Variants in PHLDB3 observed in about 807,000 individuals in gnomAD.
PHLDB3 encodes the protein pleckstrin homology like domain family B member 3.
PHLDB3 carries 86 observed loss-of-function variants against 85.7 expected under a neutral mutation model. That is an observed-to-expected ratio of 1.00 (90% CI 0.84 to 1.20). The LOEUF (loss-of-function observed/expected upper bound fraction) is 1.20. PHLDB3 is among the 50% of genes most tolerant of loss of function. The pLI is 0.00. For missense variants in PHLDB3, 995 were observed against 873.0 expected, an observed-to-expected ratio of 1.14 and a Z score of -1.76; for synonymous variants, 376 against 349.8, an observed-to-expected ratio of 1.07 and a Z score of -0.83.
At chr19:43,476,062 T>G (rs1970921293) in intron 15 of PHLDB3, among the ~76,000 whole-genome samples, 1 of 152,238 alleles carries the variant, frequency 6.6e-6, no homozygotes, top group Non-Finnish European at 1.5e-5. Context: ...CCCAGAGTGC[T>G]GGGCTTACAG....
chr19:43,497,015 G>A, intron 6 of PHLDB3, 103 bp downstream of exon 6: 1 of 1,308,222 alleles, frequency 7.6e-7, no homozygotes, highest in Non-Finnish European at 9.7e-7. Flanking sequence ...CTATTCAGAA[G>A]AACATGACAG....
At chr19:43,488,801 C>T (rs1466598927) in intron 9 of PHLDB3, among the ~76,000 whole-genome samples, 1 of 151,274 alleles carries the variant, frequency 6.6e-6, no homozygotes, top group Non-Finnish European at 1.5e-5. Context: ...ACTCCATAGA[C>T]CATTTTTTTT....
chr19:43,492,446 C>T (rs1165222529), intron 9 of PHLDB3, among the ~76,000 whole-genome samples: 1 of 151,840 alleles, frequency 6.6e-6, no homozygotes, highest in Non-Finnish European at 1.5e-5. Flanking sequence ...AACTCCTGAC[C>T]TCAGGTGATC....
intron 9 of PHLDB3, among the ~76,000 whole-genome samples, chr19:43,494,086 A>G (rs959535948): frequency 2.6e-5 from 4 of 152,124 alleles, no homozygotes; most frequent in Non-Finnish European, 5.9e-5. Flanking sequence ...AGGCTGGAGT[A>G]CAGTGGCATA....
intron 1 of PHLDB3, 158 bp from the exon 2 acceptor site, chr19:43,504,290 T>A (rs1395547623): frequency 1.4e-6 from 1 of 705,884 alleles, no homozygotes. Context: ...TCCTGAAGTT[T>A]CCAGAGGCGG....
chr19:43,487,078 C>A lies in PHLDB3; in HGVS notation c.1195G>T (p.Gly399Trp), dbSNP rs569511306. 3 of 1,578,692 alleles carry A rather than the reference C, an allele frequency of 1.9e-6. No individual in the cohort carries two copies. The South Asian group carries it at 3.5e-5, about 18-fold the overall frequency. ...QRTGSLPRKR[G>W]ERGSQRGSPR... ...GATCCTCTCTGGCTCCCCCTCTCCC[C>A]CCTTTTCCGGGGCAGGCTCCCAGTC... The change falls in exon 10 of 16, where the codon GGG becomes TGG. Residue 399 changes from glycine (G) to tryptophan (W), a missense_variant. Coordinates refer to ENST00000292140, the MANE Select transcript of PHLDB3 (RefSeq NM_198850.4).
intron 4 of PHLDB3, 93 bp from the exon 5 acceptor site, chr19:43,497,969 G>A (rs1971504460): frequency 2.0e-6 from 3 of 1,484,808 alleles, no homozygotes; most frequent in African/African-American, 1.4e-5. Context: ...GGTGTCGGCT[G>A]TACAAAGGCA....
intron 1 of PHLDB3, 188 bp downstream of exon 1, chr19:43,504,401 T>G: frequency 1.9e-6 from 1 of 531,638 alleles, no homozygotes; most frequent in East Asian, 3.3e-5. Context: ...CCGCCTCCCC[T>G]CCCTCATCTC....
At chr19:43,484,694 A>G (rs1337865498) in intron 13 of PHLDB3, among the ~76,000 whole-genome samples, 1 of 152,206 alleles carries the variant, frequency 6.6e-6, no homozygotes, top group South Asian at 2.1e-4. Context: ...CCTGGGCGAC[A>G]AGAGTAAAAC....
intron 4 of PHLDB3, among the ~76,000 whole-genome samples, chr19:43,500,430 T>C (rs1405036150): frequency 6.6e-6 from 1 of 152,068 alleles, no homozygotes; most frequent in Non-Finnish European, 1.5e-5. Context: ...GCTCTGCCTA[T>C]AGGACAGAAG....
chr19:43,490,865 G>A (rs1037830317), intron 9 of PHLDB3, among the ~76,000 whole-genome samples: 4 of 152,194 alleles, frequency 2.6e-5, no homozygotes, highest in Non-Finnish European at 2.9e-5. Context: ...GGTGCATGAC[G>A]TAGGCAAGTC....
chr19:43,488,753 A>T (rs945790407), intron 9 of PHLDB3, among the ~76,000 whole-genome samples: 5 of 152,052 alleles, frequency 3.3e-5, no homozygotes, highest in African/African-American at 9.7e-5. Context: ...CTAAATGCCC[A>T]TCAGAAGGGG....
chr19:43,489,056 T>C (rs1417533376), intron 9 of PHLDB3, among the ~76,000 whole-genome samples: 4 of 152,090 alleles, frequency 2.6e-5, no homozygotes, highest in Admixed American at 6.6e-5. Context: ...TGCCTCGGCC[T>C]CCCAAAGTGC....
intron 10 of PHLDB3, 35 bp from the exon 11 acceptor site, chr19:43,486,905 A>G: frequency 2.0e-6 from 3 of 1,507,212 alleles, no homozygotes; most frequent in Non-Finnish European, 2.7e-6. Context: ...AGGGCTGGAT[A>G]CACCCTGGCC....
At chr19:43,497,090 G>C (rs373439092) in intron 6 of PHLDB3, 28 bp downstream of exon 6, 29 of 1,411,746 alleles carry the variant, frequency 2.1e-5, no homozygotes, top group Admixed American at 7.9e-5. Context: ...AGCAGCAAGG[G>C]GGGCAGCGCT....
Position 43,504,005 on chromosome 19 carries a change from G to A in PHLDB3, c.114C>T (p.Ser38=), listed in dbSNP as rs751903550. The change falls in exon 2 of 16, where the codon TCC becomes TCT. Residue 38 remains serine (S), a synonymous_variant. Coordinates refer to ENST00000292140, the MANE Select transcript of PHLDB3 (RefSeq NM_198850.4). ...GGCTCGAAGGTTCCGCCAGGACTTCGGATGCCTCCTGTTCCCGGGACTCCT... is the reference window on the plus strand; with the variant it reads ...GGCTCGAAGGTTCCGCCAGGACTTCAGATGCCTCCTGTTCCCGGGACTCCT... ...HPEESREQEA[S]EVLAEPSSRG... 3 of 1,613,868 alleles carry A rather than the reference G, an allele frequency of 1.9e-6. No homozygotes were observed. The highest frequency in any genetic ancestry group is 2.2e-5 in the East Asian group (1 of 44,870).
At chr19:43,475,654 A>G in intron 15 of PHLDB3, 110 bp from the exon 16 acceptor site, 2 of 1,356,290 alleles carry the variant, frequency 1.5e-6, no homozygotes, top group Non-Finnish European at 2.0e-6. Flanking sequence ...CAAGGTACTT[A>G]AGTATCTGAA....
chr19:43,487,105 T>C lies in PHLDB3; in HGVS notation c.1168A>G (p.Arg390Gly). 1 of 1,565,656 alleles carries C rather than the reference T, an allele frequency of 6.4e-7. No homozygotes were observed. The highest frequency in any genetic ancestry group is 8.7e-7 in the Non-Finnish European group (1 of 1,154,586). ...SSLQGSIGLQ[R>G]TGSLPRKRGE... ...CTTTTCCGGGGCAGGCTCCCAGTCC[T>C]CTGGAGGCCAATGGAGCCCTGAAAA... Residue 390 changes from arginine (R) to glycine (G), a missense_variant, in exon 10 of 16, where the codon AGG (arginine) becomes GGG (glycine). Transcript: ENST00000292140.
In PHLDB3 at chr19:43,504,066, T is replaced by C; in HGVS notation, c.53A>G (p.Glu18Gly). 1 of 1,613,398 alleles carries C rather than the reference T, an allele frequency of 6.2e-7. No homozygotes were observed. Among genetic ancestry groups the C allele is most frequent in the South Asian group, 1.1e-5 (1 of 90,998 alleles). Reference protein sequence around the residue: ...EEGTPPPLVPECDVEVQPQGH... With the variant: ...EEGTPPPLVPGCDVEVQPQGH... ...CTGGGGCTGGACCTCCACGTCGCAT[T>C]CCGGGACCAGCGGCGGCGGGGTCCC... Residue 18 changes from glutamate to glycine, a missense_variant, in exon 2 of 16, where the codon GAA becomes GGA. Glu to Gly is a moderately conservative substitution (Grantham distance 98). Transcript: ENST00000292140.
Sources: allele counts gnomAD v4.1 joint callset (sites outside exome capture counted in the v4.1 genomes callset), GRCh38; gene constraint gnomAD v4.1.1; transcripts MANE v1.5; gene names NCBI Gene and HGNC (gene_info 2026-07-23, HGNC 2026-07-21).